PRKCB: variants seen among roughly 807,000 people sequenced by gnomAD.
PRKCB encodes the protein protein kinase C beta type.
Under a neutral mutation model 81.5 loss-of-function variants are expected in PRKCB, and 13 were observed. The ratio of observed to expected loss-of-function variants is 0.16; its 90% CI spans 0.10 to 0.25. The LOEUF is 0.25. PRKCB is among the 10% of genes least tolerant of loss of function. PRKCB has a pLI of 1.00. For synonymous variants in PRKCB, 335 were observed against 321.4 expected, an observed-to-expected ratio of 1.04 and a Z score of -0.45; for missense variants, 509 against 875.7, an observed-to-expected ratio of 0.58 and a Z score of 5.29.
intron 2 of PRKCB, among the ~76,000 whole-genome samples, chr16:23,880,343 A>C (rs1400167243): frequency 6.6e-6 from 1 of 152,162 alleles, no homozygotes; most frequent in African/African-American, 2.4e-5. Context: ...CCACACTAGC[A>C]CCTGAAAGAG....
intron 3 of PRKCB, among the ~76,000 whole-genome samples, chr16:24,015,337 T>C (rs1028405678): frequency 6.6e-6 from 1 of 152,212 alleles, no homozygotes; most frequent in African/African-American, 2.4e-5. Flanking sequence ...CGACTGGAAA[T>C]TACCAGAGCT....
chr16:24,042,099 G>A (rs1965705262), intron 5 of PRKCB, among the ~76,000 whole-genome samples: 1 of 152,018 alleles, frequency 6.6e-6, no homozygotes, highest in Non-Finnish European at 1.5e-5. Flanking sequence ...TGGTGGGGGG[G>A]TACGTGTGCA....
At position 24,216,680 on chromosome 16, in the gene PRKCB, TC is replaced by T. The variant is rs1438001805; in HGVS notation, c.*1867del. 1.0e-6 allele frequency: 1 copy of T among 985,332 alleles called. No individual in the cohort carries two copies. The highest frequency in any genetic ancestry group is 6.1e-5 in the Admixed American group (1 of 16,268). The allele number at this position is 985,332 out of a possible 1,614,324, so 61.0% of individuals were successfully genotyped here. A position where few individuals can be genotyped will look rare whatever the true frequency, so the allele number is the denominator to read the frequency against. On this transcript the variant is annotated 3_prime_UTR_variant, in exon 17 of 17. Coordinates refer to ENST00000643927, the MANE Select transcript of PRKCB (RefSeq NM_002738.7). Reference sequence around the variant, plus strand: ...CTTCTTGCTTCAGGCTTGGGGACCGTCCCTGCTGTCCCCACTGTGGTGGCAA... The same window carrying T: ...CTTCTTGCTTCAGGCTTGGGGACCGTCCTGCTGTCCCCACTGTGGTGGCAA...
intron 2 of PRKCB, among the ~76,000 whole-genome samples, chr16:23,982,125 TTCCCTTCCCTTTCCCTTCCC>T (rs1567333971): frequency 4.5e-5 from 2 of 44,918 alleles, no homozygotes; most frequent in African/African-American, 2.3e-4. Flanking sequence ...TCCCTTCCCC[TTCCCTTCCCTTTCCCTTCCC>T]TTTCCCTTCC....
In PRKCB at chr16:23,862,089, G is replaced by A. The variant is rs1182597708; in HGVS notation, c.205+24683G>A. Among the ~76,000 whole-genome samples the A allele has an allele frequency of 2.6e-5, 4 of 152,048 alleles. No homozygotes were observed. In the South Asian group the frequency reaches 6.2e-4, roughly 24 times the overall value. ...TTATCTTCCTGGTTTTTTGTATGTC[G>A]GGTAATTTTGGATTGTATCCTGGAC... On this transcript the variant is annotated intron_variant, in intron 2 of 16. Coordinates refer to ENST00000643927, the MANE Select transcript of PRKCB (RefSeq NM_002738.7).
chr16:24,134,481 T>C (rs1201402337), intron 9 of PRKCB, among the ~76,000 whole-genome samples: 1 of 152,086 alleles, frequency 6.6e-6, no homozygotes, highest in African/African-American at 2.4e-5. Context: ...ATGCAGTGGG[T>C]CATACCTGTA....
intron 2 of PRKCB, among the ~76,000 whole-genome samples, chr16:23,883,928 A>C (rs775637844): frequency 1.3e-5 from 2 of 152,244 alleles, no homozygotes; most frequent in Non-Finnish European, 2.9e-5. Context: ...AAACAGGTGA[A>C]ATGAACTGTG....
chr16:24,167,743 C>T (rs1967370615), intron 10 of PRKCB, among the ~76,000 whole-genome samples: 1 of 152,280 alleles, frequency 6.6e-6, no homozygotes, highest in East Asian at 1.9e-4. Context: ...ACAAGATGTA[C>T]CCACTGGAGG....
chr16:24,080,538 G>A (rs903224287), intron 5 of PRKCB, among the ~76,000 whole-genome samples: 1 of 152,058 alleles, frequency 6.6e-6, no homozygotes, highest in Non-Finnish European at 1.5e-5. Flanking sequence ...AGGATAATGA[G>A]CGTTGTTGGA....
intron 10 of PRKCB, among the ~76,000 whole-genome samples, chr16:24,169,505 C>A (rs1338607732): frequency 6.6e-6 from 1 of 152,200 alleles, no homozygotes; most frequent in African/African-American, 2.4e-5. Flanking sequence ...CTTCTCCAAG[C>A]ACATGAGGTG....
At chr16:24,008,006 CAA>C (rs10695120) in intron 3 of PRKCB, among the ~76,000 whole-genome samples, 2 of 143,920 alleles carry the variant, frequency 1.4e-5, no homozygotes, top group African/African-American at 5.1e-5. Flanking sequence ...TATTCTTTTT[CAA>C]AAAAAAAAAA....
chr16:24,024,865 G>A (rs1965455007), intron 3 of PRKCB, among the ~76,000 whole-genome samples: 1 of 152,208 alleles, frequency 6.6e-6, no homozygotes, highest in South Asian at 2.1e-4. Flanking sequence ...CACCTTGAGG[G>A]TCGTGGAGGG....
chr16:24,207,492 G>A (rs905772890), intron 16 of PRKCB, among the ~76,000 whole-genome samples: 5 of 152,136 alleles, frequency 3.3e-5, no homozygotes, highest in African/African-American at 1.2e-4. Flanking sequence ...GTATACATTT[G>A]TGTATATAAT....
At chr16:23,968,052 G>A (rs1363170013) in intron 2 of PRKCB, among the ~76,000 whole-genome samples, 1 of 152,228 alleles carries the variant, frequency 6.6e-6, no homozygotes, top group Non-Finnish European at 1.5e-5. Flanking sequence ...ACCACTCCCT[G>A]TTGTGCTTTA....
At chr16:24,089,766 C>T (rs1314602389) in intron 5 of PRKCB, among the ~76,000 whole-genome samples, 1 of 150,828 alleles carries the variant, frequency 6.6e-6, no homozygotes, top group East Asian at 1.9e-4. Flanking sequence ...CAGAGTGAGA[C>T]CTTGTCTCTC....
At chr16:24,085,058 G>A (rs1232595521) in intron 5 of PRKCB, among the ~76,000 whole-genome samples, 1 of 151,912 alleles carries the variant, frequency 6.6e-6, no homozygotes, top group African/African-American at 2.4e-5. Flanking sequence ...TTTTCCATAT[G>A]GGAAGTGGTA....
intron 5 of PRKCB, among the ~76,000 whole-genome samples, 198 bp from the exon 6 acceptor site, chr16:24,092,593 A>C (rs1380277307): frequency 1.3e-5 from 2 of 152,146 alleles, no homozygotes; most frequent in East Asian, 3.9e-4. Flanking sequence ...TCCATTTTTA[A>C]CCAACACAGA....
intron 3 of PRKCB, among the ~76,000 whole-genome samples, chr16:24,008,731 A>C (rs1487709004): frequency 1.3e-5 from 2 of 152,118 alleles, no homozygotes; most frequent in Non-Finnish European, 2.9e-5. Context: ...TATCCTCTTA[A>C]CAAAGTTTTA....
chr16:23,938,156 G>A (rs188291756), intron 2 of PRKCB, among the ~76,000 whole-genome samples: 4 of 152,262 alleles, frequency 2.6e-5, no homozygotes, highest in African/African-American at 9.6e-5. Flanking sequence ...CAATCTTCTG[G>A]CAGACACAGG....
Sources: gnomAD v4.1 joint callset for allele counts (sites outside exome capture counted in the v4.1 genomes callset) on GRCh38, gnomAD v4.1.1 for gene constraint, MANE v1.5 for transcripts, NCBI Gene and HGNC (gene_info 2026-07-23, HGNC 2026-07-21) for gene names.